SERPINA12: variants seen among roughly 807,000 people sequenced by gnomAD.
SERPINA12 encodes the protein serpin A12.
In SERPINA12, 21 loss-of-function variants were observed where a neutral mutation model predicts 25.9. The ratio of observed to expected loss-of-function variants is 0.81; its 90% confidence interval spans 0.58 to 1.17. SERPINA12 has a LOEUF of 1.17. Ranked by LOEUF, SERPINA12 falls within the 50% of genes most tolerant of loss-of-function variation. The pLI is 0.00. For missense variants in SERPINA12, 562 were observed against 508.3 expected (o/e 1.11, Z -1.02); for synonymous variants, 220 against 196.0 (o/e 1.12, Z -1.02).
chr14:94,487,945 A>T (rs1595681605), intron 4 of SERPINA12, among the ~76,000 whole-genome samples: 1 of 152,160 alleles, frequency 6.6e-6, no homozygotes. Flanking sequence ...GATGACTTGC[A>T]TCCCAAATCC....
intron 1 of SERPINA12, chr14:94,503,431 G>A (rs1438268457): frequency 4.4e-6 from 2 of 457,206 alleles, no homozygotes; most frequent in African/African-American, 2.1e-5. Flanking sequence ...CCCAGGAAAT[G>A]GTCCATATTG....
chr14:94,501,344 G>C (rs1046039171), intron 1 of SERPINA12, among the ~76,000 whole-genome samples: 3 of 152,110 alleles, frequency 2.0e-5, no homozygotes, highest in Non-Finnish European at 2.9e-5. Context: ...GGAGGAGGCC[G>C]GGCAGGGCAG....
At chr14:94,500,893 G>A (rs778727209) in intron 1 of SERPINA12, 10 of 984,946 alleles carry the variant, frequency 1.0e-5, no homozygotes, top group African/African-American at 1.8e-5. Context: ...TTTTTAAAAC[G>A]CCAGGACTAC....
At chr14:94,494,375 C>T (rs927926223) in intron 3 of SERPINA12, among the ~76,000 whole-genome samples, 1 of 152,188 alleles carries the variant, frequency 6.6e-6, no homozygotes, top group Non-Finnish European at 1.5e-5. Flanking sequence ...TGACTCCTTT[C>T]ACACGGAACA....
chr14:94,511,298 G>A (rs937153424), upstream of SERPINA12: 7 of 510,606 alleles, frequency 1.4e-5, no homozygotes, highest in African/African-American at 1.5e-4. Flanking sequence ...AAGTCTGTGA[G>A]GGACCATTGT....
chr14:94,509,686 G>A (rs1168132736), upstream of SERPINA12, among the ~76,000 whole-genome samples: 12 of 152,158 alleles, frequency 7.9e-5, no homozygotes. Flanking sequence ...ATCCCAAATA[G>A]CAAGGGGCAC....
rs754100591 is a variant in SERPINA12, at chr14:94,498,282, C to G, written c.116G>C (p.Trp39Ser). 1.2e-6 allele frequency: 2 copies of G among 1,614,188 alleles called. No individual in the cohort carries two copies. Among genetic ancestry groups the G allele is most frequent in the Non-Finnish European group, 1.7e-6 (2 of 1,180,040 alleles). The change falls in exon 2 of 5, where the codon TGG becomes TCG. Residue 39 changes from tryptophan (W) to serine (S), a missense_variant. Coordinates refer to ENST00000677451, the MANE Select transcript of SERPINA12 (RefSeq NM_001382267.1). ...NYKALSEVQG[W>S]KQRMAAKELA... Reference sequence around the variant, plus strand: ...CTCCTTGGCTGCCATCCTTTGCTTCCATCCTTGGACCTCGCTCAAAGCTTT... The same window carrying G: ...CTCCTTGGCTGCCATCCTTTGCTTCGATCCTTGGACCTCGCTCAAAGCTTT...
At chr14:94,514,366 T>G (rs2139868403), upstream of SERPINA12, among the ~76,000 whole-genome samples, 1 of 152,306 alleles carries the variant, frequency 6.6e-6, no homozygotes, top group East Asian at 1.9e-4. Context: ...CCAGGCCAGA[T>G]GGGACTCGTG....
chr14:94,495,067 T>TC lies in SERPINA12; in HGVS notation c.905+1305_905+1306insG, dbSNP rs1175841696. ...TTCGGAATCAGAATTTCCCTTTCTT[T>TC]TTTTTTTTTTTTTTTTTTTGAGATG... is the stretch of plus-strand genomic sequence containing the variant. On this transcript the variant is annotated intron_variant, in intron 3 of 4. Coordinates refer to ENST00000677451, the MANE Select transcript of SERPINA12 (RefSeq NM_001382267.1). Among the ~76,000 whole-genome samples, 587 of 103,552 alleles carry TC rather than the reference T, an allele frequency of 5.7e-3. 3 individuals carry two copies. Among genetic ancestry groups the TC allele is most frequent in the Non-Finnish European group, 0.01 (459 of 44,438 alleles). 67.9% of individuals were successfully genotyped at this position (103,552 alleles called of 152,430 possible). A position where few individuals can be genotyped will look rare whatever the true frequency, so the allele number is the denominator to read the frequency against.
Position 94,498,723 on chromosome 14 carries a change from AC to A in SERPINA12, c.-33-294del, listed in dbSNP as rs539969283. Among the ~76,000 whole-genome samples the A allele has an allele frequency of 3.6e-3, 551 of 152,262 alleles. 2 individuals are homozygous for A. Among genetic ancestry groups the A allele is most frequent in the Admixed American group, 6.0e-3 (92 of 15,300 alleles). ...GAACAGCTCTCCTTCCCTCCATTGG[AC>A]CACAGTGAGGATACCCCGTAGTGTA... On this transcript the variant is annotated intron_variant, in intron 1 of 4. Coordinates refer to ENST00000677451, the MANE Select transcript of SERPINA12 (RefSeq NM_001382267.1).
exon 2 of SERPINA12, chr14:94,516,144 G>C (rs1475628520): frequency 6.6e-6 from 1 of 152,524 alleles, no homozygotes; most frequent in Non-Finnish European, 1.5e-5. Flanking sequence ...GCTTCCACCA[G>C]GGCAGCAACA....
intron 1 of SERPINA12, chr14:94,503,169 AT>A (rs1477296178): frequency 2.0e-6 from 2 of 978,136 alleles, no homozygotes; most frequent in Non-Finnish European, 2.4e-6. Context: ...TTAAATTATT[AT>A]TTTTAAAAGC....
intron 3 of SERPINA12, among the ~76,000 whole-genome samples, chr14:94,491,078 A>AG (rs1900161105): frequency 6.6e-6 from 1 of 151,996 alleles, no homozygotes; most frequent in African/African-American, 2.4e-5. Context: ...TCATTCATTC[A>AG]CTCAACAAAC....
rs369082684 is a variant in SERPINA12, at chr14:94,496,154, T to A, written c.905+219A>T. ...CCTGACCACCGCCCTCCAGTAAGAC[T>A]CCATCTACTGCGCCCTCACAGTCTT... is the stretch of plus-strand genomic sequence containing the variant. On this transcript the variant is annotated intron_variant, in intron 3 of 4. Transcript: ENST00000677451. Among the ~76,000 whole-genome samples the A allele has an allele frequency of 3.1e-3, 466 of 152,264 alleles. 4 individuals carry two copies. The highest frequency in any genetic ancestry group is 0.011 in the African/African-American group (454 of 41,548).
At position 94,497,247 on chromosome 14, in the gene SERPINA12, G is replaced by C. The variant is rs1900467703; in HGVS notation, c.634+517C>G. Among the ~76,000 whole-genome samples the C allele has an allele frequency of 1.3e-5, 2 of 152,140 alleles. 1 individual carries two copies. The highest frequency in any genetic ancestry group is 4.8e-5 in the African/African-American group (2 of 41,434). ...CAGATCTGGGAAATATATAAAGTCT[G>C]ATAAGGAGAATTTATATAATACATA... On this transcript the variant is annotated intron_variant, in intron 2 of 4. Coordinates refer to ENST00000677451, the MANE Select transcript of SERPINA12 (RefSeq NM_001382267.1).
At chr14:94,513,378 G>A (rs374542081), upstream of SERPINA12, among the ~76,000 whole-genome samples, 1 of 152,200 alleles carries the variant, frequency 6.6e-6, no homozygotes, top group African/African-American at 2.4e-5. Flanking sequence ...AGAAACAGTA[G>A]AGACTCAAGA....
chr14:94,507,300 C>T (rs1156973386), intron 1 of SERPINA12, among the ~76,000 whole-genome samples: 1 of 152,170 alleles, frequency 6.6e-6, no homozygotes, highest in Non-Finnish European at 1.5e-5. Flanking sequence ...TAATAGTAGA[C>T]AATCTTTGTG....
At chr14:94,510,390 A>G (rs139694044), upstream of SERPINA12, 1 of 312,252 alleles carries the variant, frequency 3.2e-6, no homozygotes, top group East Asian at 1.7e-4. Flanking sequence ...AATGAAAACC[A>G]CAATGAGATA....
At chr14:94,491,367 A>T (rs1394844709) in intron 3 of SERPINA12, among the ~76,000 whole-genome samples, 1 of 152,212 alleles carries the variant, frequency 6.6e-6, no homozygotes, top group Non-Finnish European at 1.5e-5. Flanking sequence ...AGAGAGTTAG[A>T]CAAATTGGGG....
Sources: allele counts gnomAD v4.1 joint callset (sites outside exome capture counted in the v4.1 genomes callset), GRCh38; gene constraint gnomAD v4.1.1; transcripts MANE v1.5; gene names NCBI Gene and HGNC (gene_info 2026-07-23, HGNC 2026-07-21).